TENM4: variants seen among roughly 807,000 people sequenced by gnomAD.
TENM4 encodes the protein teneurin-4.
Under a neutral mutation model 243.3 loss-of-function variants are expected in TENM4, and 82 were observed. The observed-to-expected ratio is 0.34, with a 90% CI of 0.28 to 0.40. The LOEUF (loss-of-function observed/expected upper bound fraction) is 0.40, where lower values mean the gene tolerates loss of function less well. TENM4 is among the 10% of genes least tolerant of loss of function. The probability of loss-of-function intolerance (pLI) is 1.00; values close to 1 mark genes in which losing one functional copy is unlikely to be tolerated. For missense variants in TENM4, 3,138 were observed against 3,673.3 expected (o/e 0.85, Z 3.77); for synonymous variants, 1,412 against 1,456.3 (o/e 0.97, Z 0.69).
chr11:78,708,635 C>A, intron 26 of TENM4, 120 bp from the exon 27 acceptor site: 1 of 1,171,480 alleles, frequency 8.5e-7, no homozygotes, highest in Non-Finnish European at 1.2e-6. Flanking sequence ...GAGCCTCCCA[C>A]AACCTTCATT....
chr11:78,926,498 TCCTGACCTCATGATCCG>T (rs1856553574), intron 6 of TENM4, among the ~76,000 whole-genome samples: 1 of 151,936 alleles, frequency 6.6e-6, no homozygotes, highest in Non-Finnish European at 1.5e-5. Context: ...GGTTTCAAAC[TCCTGACCTCATGATCCG>T]CCCGCCTCGG....
intron 6 of TENM4, among the ~76,000 whole-genome samples, chr11:79,061,223 G>C (rs1335275655): frequency 6.6e-6 from 1 of 152,196 alleles, no homozygotes; most frequent in Non-Finnish European, 1.5e-5. Context: ...CATGATTGCT[G>C]TCATTATTTA....
chr11:78,759,473 T>C (rs1241971645), intron 18 of TENM4, among the ~76,000 whole-genome samples: 1 of 152,162 alleles, frequency 6.6e-6, no homozygotes, highest in East Asian at 1.9e-4. Flanking sequence ...CATGGCTAAT[T>C]TGAAATTTTA....
intron 1 of TENM4, among the ~76,000 whole-genome samples, chr11:79,332,302 T>A (rs1857073880): frequency 6.6e-6 from 1 of 152,138 alleles, no homozygotes; most frequent in Non-Finnish European, 1.5e-5. Context: ...AATGTAAGGC[T>A]AAAATCCTAG....
At chr11:78,937,292 A>G (rs936152259) in intron 6 of TENM4, among the ~76,000 whole-genome samples, 2 of 152,126 alleles carry the variant, frequency 1.3e-5, no homozygotes, top group Non-Finnish European at 2.9e-5. Context: ...TCGTGCTACA[A>G]ATACCTCTCC....
At position 78,956,146 on chromosome 11, in the gene TENM4, T is replaced by A. The variant is rs375654778; in HGVS notation, c.494-52623A>T. 1.6e-4 allele frequency among the ~76,000 whole-genome samples: 25 copies of A among 152,280 alleles called. No homozygotes were observed. The South Asian group carries it at 4.4e-3, about 27-fold the overall frequency. ...GAAGGAAGAAAGGAAATCAGCACTTTTTTTTTCAATTTTGATTTTAGCACA... is the reference window on the plus strand; with the variant it reads ...GAAGGAAGAAAGGAAATCAGCACTTATTTTTTCAATTTTGATTTTAGCACA... On this transcript the variant is annotated intron_variant, in intron 6 of 33. Coordinates refer to ENST00000278550, the MANE Select transcript of TENM4 (RefSeq NM_001098816.3).
chr11:78,947,352 C>T (rs1857021579), intron 6 of TENM4, among the ~76,000 whole-genome samples: 1 of 152,206 alleles, frequency 6.6e-6, no homozygotes, highest in Admixed American at 6.5e-5. Flanking sequence ...CTGGTCACAA[C>T]AGAACCCTCC....
intron 1 of TENM4, among the ~76,000 whole-genome samples, chr11:79,416,023 G>C (rs1858805237): frequency 6.6e-6 from 1 of 152,138 alleles, no homozygotes; most frequent in South Asian, 2.1e-4. Flanking sequence ...TTTCCACTCA[G>C]TATAATTATT....
chr11:79,088,685 G>A (rs189912801), intron 4 of TENM4, among the ~76,000 whole-genome samples: 34 of 152,246 alleles, frequency 2.2e-4, no homozygotes, highest in African/African-American at 8.2e-4. Flanking sequence ...ACTTCACTCC[G>A]GCCCAGATGC....
chr11:79,283,080 TAC>T (rs1444021216), intron 2 of TENM4, among the ~76,000 whole-genome samples: 1 of 152,074 alleles, frequency 6.6e-6, no homozygotes, highest in Non-Finnish European at 1.5e-5. Flanking sequence ...TTTTCCAAAA[TAC>T]AGTCAAGATT....
chr11:78,731,155 A>G (rs1394261404), intron 21 of TENM4, among the ~76,000 whole-genome samples: 2 of 152,056 alleles, frequency 1.3e-5, no homozygotes, highest in African/African-American at 2.4e-5. Flanking sequence ...GTGACCTTTA[A>G]CCCCTTTTGT....
At chr11:79,065,519 G>A (rs1213197710) in intron 5 of TENM4, among the ~76,000 whole-genome samples, 1 of 152,204 alleles carries the variant, frequency 6.6e-6, no homozygotes, top group Non-Finnish European at 1.5e-5. Flanking sequence ...TTTCCAGGGA[G>A]GACTTTTCAG....
rs1859379176 is a variant in TENM4, at chr11:79,440,418, C to T, written c.-321+91G>A. 1 of 152,396 alleles carries T rather than the reference C, an allele frequency of 6.6e-6. No homozygotes were observed. The highest frequency in any genetic ancestry group is 2.4e-5 in the African/African-American group (1 of 41,462). The allele number at this position is 152,396 out of a possible 1,614,324, so 9.4% of individuals were successfully genotyped here. A position where few individuals can be genotyped will look rare whatever the true frequency, so the allele number is the denominator to read the frequency against. On this transcript the variant is annotated intron_variant, in intron 1 of 33. Coordinates refer to ENST00000278550, the MANE Select transcript of TENM4 (RefSeq NM_001098816.3). The surrounding 1 kb of genome is among the most constrained non-coding windows in gnomAD (Gnocchi z 4.7). ...GCCGCGTGAGCTACCCGAACCCTGCCCGGGCCAGCAGTGCAGAGGGCGATG... is the reference window on the plus strand; with the variant it reads ...GCCGCGTGAGCTACCCGAACCCTGCTCGGGCCAGCAGTGCAGAGGGCGATG...
chr11:79,229,207 G>A (rs1225907531), intron 2 of TENM4, among the ~76,000 whole-genome samples: 3 of 152,146 alleles, frequency 2.0e-5, no homozygotes, highest in Admixed American at 2.0e-4. Context: ...CTCCTACTGG[G>A]CCCCTGGCCA....
intron 4 of TENM4, among the ~76,000 whole-genome samples, chr11:79,141,834 G>A (rs1459689165): frequency 1.3e-5 from 2 of 152,000 alleles, no homozygotes; most frequent in Non-Finnish European, 2.9e-5. Context: ...TGCAAGGATG[G>A]TTCAACATAC....
chr11:78,657,191 G>A lies in TENM4; in HGVS notation c.*867C>T. ...CTGGCTTTGGGAGAAAGGAGGAGAT[G>A]AACAGGAACATCATGGAGGACCAAC... is the stretch of plus-strand genomic sequence containing the variant. On this transcript the variant is annotated 3_prime_UTR_variant, in exon 34 of 34. Coordinates refer to ENST00000278550, the MANE Select transcript of TENM4 (RefSeq NM_001098816.3). 2.5e-6 allele frequency: 1 copy of A among 398,760 alleles called. No homozygotes were observed. Among genetic ancestry groups the A allele is most frequent in the Non-Finnish European group, 4.4e-6 (1 of 226,198 alleles). 24.7% of individuals were successfully genotyped at this position (398,760 alleles called of 1,614,324 possible). A position where few individuals can be genotyped will look rare whatever the true frequency, so the allele number is the denominator to read the frequency against.
intron 6 of TENM4, among the ~76,000 whole-genome samples, chr11:79,041,230 A>G (rs532342873): frequency 6.6e-6 from 1 of 152,156 alleles, no homozygotes; most frequent in South Asian, 2.1e-4. Flanking sequence ...CACCTGGCTA[A>G]TTTTTGTATT....
rs374765491 is a variant in TENM4 at position 79,250,035 on chromosome 11, G to C, written c.-264-34126C>G. On this transcript the variant is annotated intron_variant, in intron 2 of 33. Coordinates refer to ENST00000278550, the MANE Select transcript of TENM4 (RefSeq NM_001098816.3). ...GAGTCTTGCTCTGTTGCCCAGGCTG[G>C]AGTGCAATGGCGTGATCTCAGCTCA... Among the ~76,000 whole-genome samples the C allele has an allele frequency of 3.2e-4, 49 of 152,262 alleles. 2 individuals are homozygous for C. Among genetic ancestry groups the C allele is most frequent in the South Asian group, 1.7e-3 (8 of 4,806 alleles).
intron 9 of TENM4, among the ~76,000 whole-genome samples, chr11:78,884,298 C>A (rs1405866367): frequency 1.3e-5 from 2 of 152,188 alleles, no homozygotes; most frequent in Non-Finnish European, 2.9e-5. Context: ...CTCCTGGTTC[C>A]CTCTCCTATA....
Sources: gnomAD v4.1 joint callset for allele counts (sites outside exome capture counted in the v4.1 genomes callset) on GRCh38, gnomAD v4.1.1 for gene constraint, Gnocchi (gnomAD v3.1) non-coding constraint, MANE v1.5 for transcripts, NCBI Gene and HGNC (gene_info 2026-07-23, HGNC 2026-07-21) for gene names.